SPATA18: variants seen among roughly 807,000 people sequenced by gnomAD.
SPATA18 encodes mitochondria-eating protein.
SPATA18 carries 54 observed loss-of-function variants against 68.1 expected under a neutral mutation model. That is an observed-to-expected ratio of 0.79 (90% CI 0.64 to 0.99). SPATA18 has a LOEUF of 0.99. Among genes scored for constraint, SPATA18 ranks in the 50% least tolerant of loss-of-function variants. The probability of loss-of-function intolerance (pLI) is 0.00; values close to 1 mark genes in which losing one functional copy is unlikely to be tolerated. For missense variants in SPATA18, 724 were observed against 681.1 expected (o/e 1.06, Z -0.70); for synonymous variants, 242 against 244.8 (o/e 0.99, Z 0.11).
rs910661309 is a variant in SPATA18, at chr4:52,065,711, C to T, written c.422+3379C>T. Among the ~76,000 whole-genome samples, 7 of 152,156 alleles carry T rather than the reference C, an allele frequency of 4.6e-5. No homozygotes were observed. In the East Asian group the frequency reaches 5.8e-4, roughly 13 times the overall value. On this transcript the variant is annotated intron_variant, in intron 4 of 12. Transcript: ENST00000295213. ...GTCTCTTAAGCCAGGGTGCTGCCCA[C>T]GATGGAATGAATGGGCCACCCAAGG...
rs776153585 is a variant in SPATA18 at position 52,094,514 on chromosome 4, T to C, written c.1564-13T>C. 1.2e-6 allele frequency: 2 copies of C among 1,611,832 alleles called. No individual in the cohort carries two copies. Among genetic ancestry groups the C allele is most frequent in the South Asian group, 1.1e-5 (1 of 90,800 alleles). On this transcript the variant is annotated splice_polypyrimidine_tract_variant and intron_variant, in intron 11 of 12. Transcript: ENST00000295213. Reference sequence around the variant, plus strand: ...CTACTATGTAATTCACATTATTCTTTTATATTTTCCAGATGTCTCGAAGTC... The same window carrying C: ...CTACTATGTAATTCACATTATTCTTCTATATTTTCCAGATGTCTCGAAGTC...
intron 11 of SPATA18, among the ~76,000 whole-genome samples, chr4:52,093,627 A>G (rs1243111156): frequency 1.3e-5 from 2 of 152,222 alleles, no homozygotes; most frequent in African/African-American, 2.4e-5. Context: ...CCTCATTCTA[A>G]GAGGAAATGG....
intron 10 of SPATA18, chr4:52,083,034 A>G (rs1578192732): frequency 1.6e-5 from 16 of 985,378 alleles, no homozygotes; most frequent in Non-Finnish European, 1.9e-5. Context: ...GTCGCTTCCT[A>G]TATCCATTGG....
chr4:52,061,900 T>C (rs776095198), intron 3 of SPATA18, among the ~76,000 whole-genome samples: 79 of 152,304 alleles, frequency 5.2e-4, no homozygotes, highest in Non-Finnish European at 9.3e-4. Flanking sequence ...TTCAAACTGT[T>C]TTTGGAAATT....
At position 52,064,696 on chromosome 4, in the gene SPATA18, G is replaced by T. The variant is rs568228406; in HGVS notation, c.422+2364G>T. ...CCTTGGTTGATGGGCACTTAGGTTG[G>T]TTCCATATCTCTGCAATTGCGATTT... On this transcript the variant is annotated intron_variant, in intron 4 of 12. Coordinates refer to ENST00000295213, the MANE Select transcript of SPATA18 (RefSeq NM_145263.4). 1.4e-4 allele frequency among the ~76,000 whole-genome samples: 21 copies of T among 152,254 alleles called. No homozygotes were observed. In the East Asian group the frequency reaches 2.7e-3, roughly 20 times the overall value.
intron 3 of SPATA18, 66 bp downstream of exon 3, chr4:52,060,963 A>C: frequency 7.9e-7 from 1 of 1,268,220 alleles, no homozygotes; most frequent in East Asian, 2.4e-5. Context: ...AGAAACCTCC[A>C]AGAGAAGAAG....
intron 1 of SPATA18, among the ~76,000 whole-genome samples, chr4:52,058,551 G>T (rs1206967303): frequency 3.9e-5 from 6 of 152,164 alleles, no homozygotes; most frequent in Admixed American, 6.5e-5. Flanking sequence ...TGCCAAACTT[G>T]TTCCTGTCAC....
chr4:52,083,655 G>T (rs1435198651), intron 10 of SPATA18, among the ~76,000 whole-genome samples: 1 of 152,040 alleles, frequency 6.6e-6, no homozygotes, highest in East Asian at 1.9e-4. Flanking sequence ...TGAGGAGGGA[G>T]GATTGCTTGA....
chr4:52,077,544 T>TA (rs1740501529), intron 7 of SPATA18, among the ~76,000 whole-genome samples: 1 of 152,030 alleles, frequency 6.6e-6, no homozygotes, highest in Non-Finnish European at 1.5e-5. Context: ...TTGGTTATAT[T>TA]GACCAGGCAT....
At chr4:52,091,811 G>A (rs1407829961) in intron 11 of SPATA18, among the ~76,000 whole-genome samples, 1 of 152,196 alleles carries the variant, frequency 6.6e-6, no homozygotes. Context: ...GGGCTGGGAG[G>A]TTTGCTGCTC....
intron 4 of SPATA18, among the ~76,000 whole-genome samples, chr4:52,065,547 T>C (rs886588545): frequency 6.6e-6 from 1 of 152,158 alleles, no homozygotes; most frequent in African/African-American, 2.4e-5. Context: ...TTGAATAGGG[T>C]GTCCTTTCTC....
At chr4:52,087,544 T>G (rs1371400915) in intron 11 of SPATA18, among the ~76,000 whole-genome samples, 1 of 152,200 alleles carries the variant, frequency 6.6e-6, no homozygotes, top group Non-Finnish European at 1.5e-5. Context: ...CCCCTTTGCT[T>G]GTTTTTGTCA....
intron 7 of SPATA18, 179 bp from the exon 8 acceptor site, chr4:52,078,556 A>G (rs1740612989): frequency 5.9e-6 from 3 of 510,388 alleles, no homozygotes; most frequent in Admixed American, 3.4e-5. Context: ...TTATATGTTT[A>G]TGTACTTTTC....
At position 52,079,870 on chromosome 4, in the gene SPATA18, C is replaced by G; in HGVS notation, c.1306C>G (p.Pro436Ala). The G allele has an allele frequency of 6.2e-7, 1 of 1,613,994 alleles. No homozygotes were observed. The highest frequency in any genetic ancestry group is 2.2e-5 in the East Asian group (1 of 44,872). ...CTTTGCAATGCAGGCCTTAGAACCA[C>G]CCCTAGATATTGCATATGGAGCAGA... ...IAFAMQALEPPLDIAYGADGE... is the reference protein window; with the variant it reads ...IAFAMQALEPALDIAYGADGE... Residue 436 changes from proline to alanine, a missense_variant, in exon 9 of 13, where the codon CCC becomes GCC. By Grantham distance (27) the Pro-to-Ala change is conservative (BLOSUM62 -1). Coordinates refer to ENST00000295213, the MANE Select transcript of SPATA18 (RefSeq NM_145263.4).
intron 5 of SPATA18, among the ~76,000 whole-genome samples, chr4:52,070,557 A>T (rs1358626755): frequency 1.6e-4 from 24 of 150,018 alleles, no homozygotes; most frequent in Non-Finnish European, 3.1e-4. Flanking sequence ...GGGGGGAGGG[A>T]TAGCATTAGG....
At chr4:52,064,053 TA>T (rs1457793352) in intron 4 of SPATA18, among the ~76,000 whole-genome samples, 3 of 152,124 alleles carry the variant, frequency 2.0e-5, no homozygotes, top group Non-Finnish European at 4.4e-5. Context: ...ATGCATGCTT[TA>T]AAAAAACTTT....
intron 1 of SPATA18, among the ~76,000 whole-genome samples, chr4:52,059,463 A>G (rs1443057075): frequency 6.6e-6 from 1 of 152,248 alleles, no homozygotes; most frequent in Non-Finnish European, 1.5e-5. Flanking sequence ...AGGAATGAGG[A>G]AAGCAGAATA....
intron 1 of SPATA18, among the ~76,000 whole-genome samples, chr4:52,056,245 C>T (rs918485961): frequency 2.0e-5 from 3 of 152,194 alleles, no homozygotes; most frequent in African/African-American, 7.2e-5. Flanking sequence ...CCTCCCAGTC[C>T]TGTCTCTCTT....
At chr4:52,092,664 A>T (rs1414224453) in intron 11 of SPATA18, among the ~76,000 whole-genome samples, 1 of 152,122 alleles carries the variant, frequency 6.6e-6, no homozygotes, top group East Asian at 1.9e-4. Flanking sequence ...AGCCATCTTG[A>T]ATCTACTCCC....
Sources: gnomAD v4.1 joint callset for allele counts (sites outside exome capture counted in the v4.1 genomes callset) on GRCh38, gnomAD v4.1.1 for gene constraint, MANE v1.5 for transcripts, NCBI Gene and HGNC (gene_info 2026-07-23, HGNC 2026-07-21) for gene names.